SLC22A2: variants seen among roughly 807,000 people sequenced by gnomAD.
SLC22A2 encodes solute carrier family 22 member 2.
A neutral mutation model predicts 60.5 loss-of-function variants in SLC22A2; 46 were observed. The observed-to-expected ratio is 0.76, with a 90% CI of 0.60 to 0.97. The LOEUF (loss-of-function observed/expected upper bound fraction) is 0.97. Ranked by LOEUF, SLC22A2 falls within the 50% of genes least tolerant of loss-of-function variation. The probability of loss-of-function intolerance (pLI) is 0.00; values close to 1 mark genes in which losing one functional copy is unlikely to be tolerated. For synonymous variants in SLC22A2, 303 were observed against 267.0 expected (o/e 1.13, Z -1.31); for missense variants, 701 against 706.6 (o/e 0.99, Z 0.09).
rs1032131819 is a variant in SLC22A2, at chr6:160,223,789, A to G, written c.1601+916T>C. Among the ~76,000 whole-genome samples the G allele has an allele frequency of 1.3e-5, 2 of 152,132 alleles. 1 individual carries two copies. The highest frequency in any genetic ancestry group is 4.1e-4 in the South Asian group (2 of 4,832). On this transcript the variant is annotated intron_variant, in intron 10 of 10. Coordinates refer to ENST00000366953, the MANE Select transcript of SLC22A2 (RefSeq NM_003058.4). ...GTCGCCCAGGCTGGAGTGCAGTGGC[A>G]CGATCTCAGCTCACTGCAACCTCTG... is the stretch of plus-strand genomic sequence containing the variant.
At chr6:160,230,109 T>C (rs1207704862) in intron 9 of SLC22A2, among the ~76,000 whole-genome samples, 1 of 151,772 alleles carries the variant, frequency 6.6e-6, no homozygotes, top group Non-Finnish European at 1.5e-5. Flanking sequence ...TACAGACTCA[T>C]CTGACCTGTC....
At chr6:160,221,381 G>A (rs1350737574) in intron 10 of SLC22A2, among the ~76,000 whole-genome samples, 4 of 152,132 alleles carry the variant, frequency 2.6e-5, no homozygotes, top group African/African-American at 4.8e-5. Flanking sequence ...TGTTGTGACC[G>A]GTTTGATCTT....
At chr6:160,218,954 ACAG>A (rs752201564) in intron 10 of SLC22A2, among the ~76,000 whole-genome samples, 440 of 5,380 alleles carry the variant, frequency 0.082, no homozygotes, top group African/African-American at 0.19. Flanking sequence ...AATAGCAGCA[ACAG>A]CAGCAGCAGC....
In SLC22A2 at chr6:160,241,516, G is replaced by A. The variant is rs140829992; in HGVS notation, c.1459C>T (p.Arg487Trp). ...AGCTCAAGCCAGATGTTAGTGAGCC[G>A]GTAGACCAGGAATGGCGTGATGATG... ...GGIITPFLVY[R>W]LTNIWLELPL... Residue 487 changes from arginine to tryptophan, a missense_variant, in exon 9 of 11, where the codon CGG (arginine) becomes TGG (tryptophan). Transcript: ENST00000366953. The A allele has an allele frequency of 2.4e-5, 39 of 1,613,454 alleles. No homozygotes were observed. The East Asian group carries it at 2.9e-4, about 12-fold the overall frequency.
intron 9 of SLC22A2, among the ~76,000 whole-genome samples, chr6:160,226,798 G>A (rs1365166120): frequency 6.6e-6 from 1 of 151,980 alleles, no homozygotes; most frequent in Non-Finnish European, 1.5e-5. Flanking sequence ...GAATTGAACT[G>A]AAAAACTTCA....
chr6:160,236,673 A>G (rs967882953), intron 9 of SLC22A2, among the ~76,000 whole-genome samples: 7 of 152,280 alleles, frequency 4.6e-5, no homozygotes, highest in Admixed American at 6.5e-5. Context: ...GAGCCAATAA[A>G]AGTCCCCTGG....
At chr6:160,252,021 G>A (rs1246195982) in intron 2 of SLC22A2, among the ~76,000 whole-genome samples, 1 of 152,062 alleles carries the variant, frequency 6.6e-6, no homozygotes, top group African/African-American at 2.4e-5. Context: ...GTGCAGGTTT[G>A]TCACATAGGG....
At chr6:160,239,920 T>A (rs1358372985) in intron 9 of SLC22A2, among the ~76,000 whole-genome samples, 1 of 152,116 alleles carries the variant, frequency 6.6e-6, no homozygotes, top group Non-Finnish European at 1.5e-5. Context: ...GTGGAAAATT[T>A]TCCCCCTCAC....
chr6:160,240,367 A>G (rs1013601892), intron 9 of SLC22A2, among the ~76,000 whole-genome samples: 15 of 152,264 alleles, frequency 9.9e-5, no homozygotes, highest in African/African-American at 3.6e-4. Flanking sequence ...TGGAGGAATG[A>G]CTGATCTTGT....
intron 10 of SLC22A2, among the ~76,000 whole-genome samples, chr6:160,218,516 G>A (rs1016151260): frequency 6.9e-6 from 1 of 144,514 alleles, no homozygotes; most frequent in Admixed American, 7.0e-5. Context: ...AATAGTAATA[G>A]CAACAGCAAC....
At chr6:160,244,557 G>C (rs1245457379) in intron 6 of SLC22A2, 1 of 152,142 alleles carries the variant, frequency 6.6e-6, no homozygotes, top group East Asian at 1.9e-4. Context: ...CTCCTGGCCT[G>C]TTACGAACAA....
At chr6:160,228,933 CT>C (rs1782772567) in intron 9 of SLC22A2, among the ~76,000 whole-genome samples, 1 of 151,950 alleles carries the variant, frequency 6.6e-6, no homozygotes, top group East Asian at 1.9e-4. Flanking sequence ...GGCCCCACCC[CT>C]ATCTCCCTTC....
In SLC22A2 at chr6:160,247,190, G is replaced by A. The variant is rs913959656; in HGVS notation, c.951C>T (p.Ser317=). Reference sequence around the variant, plus strand: ...ACTTAAGGCCCTGGCTCACCTGAAGGGAGGCGGGTAGAGATTTTCCATTTT... The same window carrying A: ...ACTTAAGGCCCTGGCTCACCTGAAGAGAGGCGGGTAGAGATTTTCCATTTT... ...AKKNGKSLPA[S]LQRLRLEEET... is the part of the protein sequence containing the mutation. The change falls in exon 5 of 11, where the codon TCC becomes TCT. Residue 317 remains serine (S), a synonymous_variant. Transcript: ENST00000366953. The A allele has an allele frequency of 1.3e-6, 2 of 1,585,492 alleles. No homozygotes were observed. Among genetic ancestry groups the A allele is most frequent in the African/African-American group, 1.3e-5 (1 of 74,304 alleles).
intron 1 of SLC22A2, among the ~76,000 whole-genome samples, chr6:160,257,229 C>T (rs531861439): frequency 3.3e-4 from 51 of 152,268 alleles, no homozygotes; most frequent in Admixed American, 4.6e-4. Flanking sequence ...GGTGTGTGGA[C>T]GTGATACAAT....
At chr6:160,255,194 C>T (rs979454497) in intron 2 of SLC22A2, among the ~76,000 whole-genome samples, 2 of 152,180 alleles carry the variant, frequency 1.3e-5, no homozygotes, top group African/African-American at 4.8e-5. Context: ...CGCAGAAAGC[C>T]CCAGGAAGAG....
At chr6:160,233,736 C>T (rs1001256503) in intron 9 of SLC22A2, among the ~76,000 whole-genome samples, 4 of 151,892 alleles carry the variant, frequency 2.6e-5, no homozygotes, top group Admixed American at 6.5e-5. Flanking sequence ...AACAACCTTA[C>T]CGCAAAATCT....
chr6:160,219,364 A>T (rs2114847203), intron 10 of SLC22A2, among the ~76,000 whole-genome samples: 1 of 152,298 alleles, frequency 6.6e-6, no homozygotes, highest in South Asian at 2.1e-4. Context: ...GAAAAATGAC[A>T]ATAGCAGCAG....
At chr6:160,222,976 C>T (rs1336399288) in intron 10 of SLC22A2, among the ~76,000 whole-genome samples, 1 of 152,162 alleles carries the variant, frequency 6.6e-6, no homozygotes, top group Non-Finnish European at 1.5e-5. Flanking sequence ...GTGTGACCTC[C>T]GCTCGGATTC....
At position 160,258,398 on chromosome 6, in the gene SLC22A2, G is replaced by T; in HGVS notation, c.360C>A (p.Gly120=). 6.2e-7 allele frequency: 1 copy of T among 1,613,924 alleles called. No individual in the cohort carries two copies. Among genetic ancestry groups the T allele is most frequent in the Non-Finnish European group, 8.5e-7 (1 of 1,179,976 alleles). The stretch of plus-strand genomic sequence containing the variant: ...CGTACACCCAGCCGTCCCGGCAGGG[G>T]CCCAGTGGCAGGCGGCTCCTGTTGG... The part of the protein sequence containing the change: ...LDTNRSRLPL[G]PCRDGWVYET... The change falls in exon 1 of 11, where the codon GGC becomes GGA. Residue 120 remains glycine (G), a synonymous_variant. Coordinates refer to ENST00000366953, the MANE Select transcript of SLC22A2 (RefSeq NM_003058.4).
Sources: allele counts gnomAD v4.1 joint callset (sites outside exome capture counted in the v4.1 genomes callset), GRCh38; gene constraint gnomAD v4.1.1; transcripts MANE v1.5; gene names NCBI Gene and HGNC (gene_info 2026-07-23, HGNC 2026-07-21).